Variants in CACNB2 observed in about 807,000 individuals in gnomAD.
CACNB2 encodes voltage-dependent L-type calcium channel subunit beta-2.
In CACNB2, 42 loss-of-function variants were observed where a neutral mutation model predicts 73.3. That is an observed-to-expected ratio of 0.57 (90% CI 0.45 to 0.74). The LOEUF is 0.74. Among genes scored for constraint, CACNB2 ranks in the 30% least tolerant of loss-of-function variants. CACNB2 has a pLI of 0.00. For missense variants in CACNB2, 940 were observed against 853.0 expected (o/e 1.10, Z -1.27); for synonymous variants, 348 against 310.3 (o/e 1.12, Z -1.28).
At chr10:18,439,544 CCTT>C (rs1286986344) in intron 3 of CACNB2, among the ~76,000 whole-genome samples, 2 of 152,170 alleles carry the variant, frequency 1.3e-5, no homozygotes, top group African/African-American at 4.8e-5. Context: ...CAATTTGAAA[CCTT>C]CTCCAAGTAT....
At chr10:18,278,283 C>A (rs2131682078) in intron 2 of CACNB2, among the ~76,000 whole-genome samples, 1 of 152,170 alleles carries the variant, frequency 6.6e-6, no homozygotes, top group South Asian at 2.1e-4. Context: ...AGTTTGAGAC[C>A]AGCCTGAGCA....
At chr10:18,232,962 C>G (rs76761898) in intron 2 of CACNB2, among the ~76,000 whole-genome samples, 13,520 of 152,110 alleles carry the variant, frequency 0.089, 610 homozygotes, top group African/African-American at 0.11. Flanking sequence ...TGGCACACAC[C>G]TGTAATCCCA....
At chr10:18,452,458 T>TA (rs1016507396) in intron 3 of CACNB2, among the ~76,000 whole-genome samples, 10 of 151,742 alleles carry the variant, frequency 6.6e-5, no homozygotes, top group Non-Finnish European at 1.2e-4. Flanking sequence ...ATAGCACATT[T>TA]AAAAAAAAAT....
chr10:18,519,774 C>T (rs1347586291), intron 9 of CACNB2: 1 of 455,816 alleles, frequency 2.2e-6, no homozygotes, highest in South Asian at 1.6e-5. Flanking sequence ...TTCAGCCTAC[C>T]CCAGTTATGT....
rs966347493 is a variant in CACNB2 at position 18,301,830 on chromosome 10, G to A, written c.214-100094G>A. Among the ~76,000 whole-genome samples, 4 of 151,562 alleles carry A rather than the reference G, an allele frequency of 2.6e-5. No individual in the cohort carries two copies. The East Asian group carries it at 7.9e-4, about 30-fold the overall frequency. On this transcript the variant is annotated intron_variant, in intron 2 of 13. Transcript: ENST00000324631. ...CGCACAGCTAATTTTTGTATTTTTA[G>A]TAGAGACGGGGTTTCACCATGTTGG...
At chr10:18,454,181 T>C (rs2047154218) in intron 3 of CACNB2, among the ~76,000 whole-genome samples, 1 of 152,166 alleles carries the variant, frequency 6.6e-6, no homozygotes, top group Non-Finnish European at 1.5e-5. Context: ...AAGGGTTCTG[T>C]CCCTTAGGAA....
chr10:18,539,166 C>T (rs2133332394), intron 13 of CACNB2, 64 bp from the exon 14 acceptor site: 1 of 1,606,738 alleles, frequency 6.2e-7, no homozygotes, highest in Non-Finnish European at 8.5e-7. Flanking sequence ...AATGCACTTG[C>T]TCTGGGACAT....
intron 2 of CACNB2, among the ~76,000 whole-genome samples, chr10:18,253,644 G>T (rs1019781792): frequency 6.6e-6 from 1 of 152,096 alleles, no homozygotes; most frequent in Non-Finnish European, 1.5e-5. Flanking sequence ...TGGTCAAATG[G>T]ATTCTCTGAG....
At chr10:18,290,009 T>G (rs2038991782) in intron 2 of CACNB2, among the ~76,000 whole-genome samples, 1 of 151,556 alleles carries the variant, frequency 6.6e-6, no homozygotes, top group African/African-American at 2.4e-5. Flanking sequence ...GAGAGAAGAG[T>G]CTAAAAAGCA....
intron 3 of CACNB2, among the ~76,000 whole-genome samples, chr10:18,426,024 T>C (rs1204880969): frequency 6.6e-6 from 1 of 152,212 alleles, no homozygotes; most frequent in Non-Finnish European, 1.5e-5. Context: ...TTGATAGAGT[T>C]TGGACATATC....
At chr10:18,182,909 T>A (rs2131221829) in intron 2 of CACNB2, among the ~76,000 whole-genome samples, 1 of 152,276 alleles carries the variant, frequency 6.6e-6, no homozygotes, top group Non-Finnish European at 1.5e-5. Flanking sequence ...CCAAATCCTT[T>A]TATCTCAATC....
chr10:18,331,119 G>T (rs1166113505), intron 2 of CACNB2, among the ~76,000 whole-genome samples: 1 of 152,044 alleles, frequency 6.6e-6, no homozygotes, highest in East Asian at 1.9e-4. Flanking sequence ...CTGAGTAGCT[G>T]GGACTACAGG....
intron 7 of CACNB2, among the ~76,000 whole-genome samples, chr10:18,517,948 A>G (rs535691431): frequency 6.6e-6 from 1 of 152,358 alleles, no homozygotes; most frequent in East Asian, 1.9e-4. Flanking sequence ...TCTAATCACT[A>G]CAACTCTTTA....
intron 3 of CACNB2, among the ~76,000 whole-genome samples, chr10:18,416,315 C>G (rs1375934650): frequency 1.3e-5 from 2 of 152,170 alleles, no homozygotes; most frequent in Non-Finnish European, 2.9e-5. Flanking sequence ...GAGTAATATT[C>G]CATTACATGT....
chr10:18,298,654 G>A (rs569968448), intron 2 of CACNB2, among the ~76,000 whole-genome samples: 1 of 152,322 alleles, frequency 6.6e-6, no homozygotes, highest in South Asian at 2.1e-4. Context: ...CAGCCTTAGT[G>A]CAGGCTGGCT....
intron 13 of CACNB2, 96 bp from the exon 14 acceptor site, chr10:18,539,134 T>C: frequency 6.6e-7 from 1 of 1,509,430 alleles, no homozygotes; most frequent in Non-Finnish European, 9.2e-7. Context: ...GCTTTTCGGA[T>C]GCTTAAAAAG....
chr10:18,315,518 A>AAC (rs2040141606), intron 2 of CACNB2, among the ~76,000 whole-genome samples: 1 of 129,304 alleles, frequency 7.7e-6, no homozygotes, highest in Non-Finnish European at 1.7e-5. Flanking sequence ...AAAAAAAAAA[A>AAC]AAAAAAAAAA....
At chr10:18,459,324 A>C (rs763629493) in intron 3 of CACNB2, among the ~76,000 whole-genome samples, 1 of 152,148 alleles carries the variant, frequency 6.6e-6, no homozygotes, top group Non-Finnish European at 1.5e-5. Flanking sequence ...CAGAAATATC[A>C]CTATCCTTTG....
chr10:18,513,101 C>CTTTTTTTTTTTTTTTT (rs71402179), intron 6 of CACNB2: 1 of 114,380 alleles, frequency 8.7e-6, no homozygotes, highest in African/African-American at 3.5e-5. Flanking sequence ...TGACCATAAC[C>CTTTTTTTTTTTTTTTT]TTTTTTTTTT....
Sources: gnomAD v4.1 joint callset for allele counts (sites outside exome capture counted in the v4.1 genomes callset) on GRCh38, gnomAD v4.1.1 for gene constraint, MANE v1.5 for transcripts, NCBI Gene and HGNC (gene_info 2026-07-23, HGNC 2026-07-21) for gene names.